TBXAS1: variants seen among roughly 807,000 people sequenced by gnomAD.
TBXAS1 encodes the protein thromboxane-A synthase.
A neutral mutation model predicts 60.7 loss-of-function variants in TBXAS1; 48 were observed. That is an observed-to-expected ratio of 0.79 (90% CI 0.63 to 1.01). TBXAS1 has a LOEUF of 1.01. TBXAS1 is among the 50% of genes least tolerant of loss of function. The pLI is 0.00. For missense variants in TBXAS1, 685 were observed against 686.3 expected, an observed-to-expected ratio of 1.00 and a Z score of 0.02; for synonymous variants, 287 against 269.7, an observed-to-expected ratio of 1.06 and a Z score of -0.63.
At chr7:139,868,065 T>C (rs2116778605) in intron 1 of TBXAS1, among the ~76,000 whole-genome samples, 1 of 152,356 alleles carries the variant, frequency 6.6e-6, no homozygotes, top group Admixed American at 6.5e-5. Flanking sequence ...TAAAGCTATA[T>C]ATACTTTCTG....
In TBXAS1 at chr7:140,001,277, G is replaced by A. The variant is rs545473677; in HGVS notation, c.1135-5814G>A. ...TCTTTTGGAAACATAGAAGCTTCAG[G>A]TGCTTCCTGGCTTGAAATAAGAGAA... On this transcript the variant is annotated intron_variant, in intron 9 of 12. Transcript: ENST00000448866. Among the ~76,000 whole-genome samples the A allele has an allele frequency of 7.9e-4, 121 of 152,280 alleles. 1 individual carries two copies. Among genetic ancestry groups the A allele is most frequent in the African/African-American group, 2.8e-3 (115 of 41,554 alleles).
At chr7:139,797,108 T>C (rs981700683) in intron 4 of TBXAS1, 1 of 152,218 alleles carries the variant, frequency 6.6e-6, no homozygotes, top group African/African-American at 2.4e-5. Context: ...CATTAAAATA[T>C]AATTAGCGAG....
In TBXAS1 at chr7:139,957,770, G is replaced by A. The variant is rs1237354961; in HGVS notation, c.819+6G>A. 6.8e-6 allele frequency: 11 copies of A among 1,614,032 alleles called. No homozygotes were observed. The highest frequency in any genetic ancestry group is 6.6e-5 in the South Asian group (6 of 91,076). ...ACCAGCAAGCTGCCGAAGAGGTAAC[G>A]TATTTTAATAGGACACAGCCTTGAA... On this transcript the variant is annotated splice_donor_region_variant and intron_variant, in intron 8 of 12. Coordinates refer to ENST00000448866, the MANE Select transcript of TBXAS1 (RefSeq NM_001061.7).
Position 140,013,406 on chromosome 7 carries a change from G to GT in TBXAS1, c.1227-2316dup, listed in dbSNP as rs1310217663. Among the ~76,000 whole-genome samples, 1 of 152,200 alleles carries GT rather than the reference G, an allele frequency of 6.6e-6. No individual in the cohort carries two copies. Among genetic ancestry groups the GT allele is most frequent in the Non-Finnish European group, 1.5e-5 (1 of 68,032 alleles). On this transcript the variant is annotated intron_variant, in intron 10 of 12. Coordinates refer to ENST00000448866, the MANE Select transcript of TBXAS1 (RefSeq NM_001061.7). The surrounding 1 kb of genome is among the most constrained non-coding windows in gnomAD (Gnocchi z 4.2). ...ATGCTCACTCCAAGAGTTGAGTTGTGTGGCTCCAGGTAGACTCATTTCCCA... is the reference window on the plus strand; with the variant it reads ...ATGCTCACTCCAAGAGTTGAGTTGTGTTGGCTCCAGGTAGACTCATTTCCCA...
At chr7:139,831,827 G>A (rs1165673896) in intron 1 of TBXAS1, among the ~76,000 whole-genome samples, 2 of 152,206 alleles carry the variant, frequency 1.3e-5, no homozygotes, top group Non-Finnish European at 2.9e-5. Context: ...AGCTACTTGG[G>A]AGGCTGAGGC....
Position 139,957,718 on chromosome 7 carries a change from T to C in TBXAS1, c.773T>C (p.Leu258Pro), listed in dbSNP as rs760550262. The C allele has an allele frequency of 6.2e-6, 10 of 1,614,036 alleles. No individual in the cohort carries two copies. The South Asian group carries it at 1.1e-4, about 18-fold the overall frequency. Residue 258 changes from leucine to proline, a missense_variant, in exon 8 of 13, where the codon CTC becomes CCC. Physicochemically the swap from Leu to Pro is moderately conservative, Grantham distance 98. Coordinates refer to ENST00000448866, the MANE Select transcript of TBXAS1 (RefSeq NM_001061.7). ...GAACTGAATGGCTTTTTTAACAAAC[T>C]CATTAGGAATGTGATTGCCTTGCGG... Reference protein sequence around the residue: ...RDELNGFFNKLIRNVIALRDQ... With the variant: ...RDELNGFFNKPIRNVIALRDQ...
At chr7:139,984,372 T>C (rs1812184583) in intron 9 of TBXAS1, among the ~76,000 whole-genome samples, 1 of 152,002 alleles carries the variant, frequency 6.6e-6, no homozygotes, top group Non-Finnish European at 1.5e-5. Flanking sequence ...CTTCCATGTG[T>C]CCCTTCCACA....
chr7:139,850,007 G>GA (rs1170989847), intron 1 of TBXAS1, among the ~76,000 whole-genome samples: 1 of 152,194 alleles, frequency 6.6e-6, no homozygotes, highest in Non-Finnish European at 1.5e-5. Flanking sequence ...GGTTATTAAG[G>GA]AAAAAATTTG....
At chr7:139,950,054 T>C (rs1401388799) in intron 5 of TBXAS1, among the ~76,000 whole-genome samples, 1 of 149,126 alleles carries the variant, frequency 6.7e-6, no homozygotes, top group Non-Finnish European at 1.5e-5. Flanking sequence ...TTTTTTTTTT[T>C]TTTTTTTTGA....
chr7:139,924,924 C>G (rs1212605946), intron 4 of TBXAS1, among the ~76,000 whole-genome samples: 1 of 152,124 alleles, frequency 6.6e-6, no homozygotes, highest in Non-Finnish European at 1.5e-5. Context: ...GTCCTTTTCT[C>G]AATATTTCTT....
chr7:139,964,172 A>C (rs1271218686), intron 9 of TBXAS1, among the ~76,000 whole-genome samples: 1 of 151,636 alleles, frequency 6.6e-6, no homozygotes, highest in Non-Finnish European at 1.5e-5. Context: ...TGCAACCCAC[A>C]CCTCCCAGGT....
At chr7:139,900,642 T>G (rs753384274) in intron 3 of TBXAS1, among the ~76,000 whole-genome samples, 41 of 152,220 alleles carry the variant, frequency 2.7e-4, no homozygotes, top group Non-Finnish European at 5.0e-4. Context: ...GAGGATGGAA[T>G]GAAGAGCTGC....
At chr7:139,911,587 G>C (rs2117051018) in intron 4 of TBXAS1, among the ~76,000 whole-genome samples, 1 of 152,306 alleles carries the variant, frequency 6.6e-6, no homozygotes, top group South Asian at 2.1e-4. Flanking sequence ...AACCAAGAGG[G>C]TTTTCTAAAG....
rs61604773 is a variant in TBXAS1 at position 140,004,550 on chromosome 7, C to A, written c.1135-2541C>A. Among the ~76,000 whole-genome samples the A allele has an allele frequency of 7.7e-3, 1,178 of 152,284 alleles. 17 individuals carry two copies. Among genetic ancestry groups the A allele is most frequent in the African/African-American group, 0.027 (1,138 of 41,540 alleles). ...AAACCAAACTCATAAAGATTGGAAGCAGGAAGACAAGTTGCCTCCAGGTTT... is the reference window on the plus strand; with the variant it reads ...AAACCAAACTCATAAAGATTGGAAGAAGGAAGACAAGTTGCCTCCAGGTTT... On this transcript the variant is annotated intron_variant, in intron 9 of 12. Transcript: ENST00000448866. This position sits in a 1 kb window ranked among gnomAD's most constrained non-coding sequence, Gnocchi z 5.1.
chr7:139,951,987 A>AAAGAAAGG (rs1809426372), intron 5 of TBXAS1, among the ~76,000 whole-genome samples: 1 of 149,370 alleles, frequency 6.7e-6, no homozygotes, highest in African/African-American at 2.4e-5. Flanking sequence ...AGAAAGAAAG[A>AAAGAAAGG]AAGAAAGAAA....
chr7:139,866,119 C>T lies in TBXAS1; in HGVS notation c.90-6116C>T, dbSNP rs573194197. Among the ~76,000 whole-genome samples, 146 of 152,146 alleles carry T rather than the reference C, an allele frequency of 9.6e-4. 1 individual carries two copies. In the Middle Eastern group the frequency reaches 0.014, roughly 14 times the overall value. Reference sequence around the variant, plus strand: ...GAGAGCATTTGGTGCAAAGGATATACCAACGGTAGGACTAGCTGGGACAAA... The same window carrying T: ...GAGAGCATTTGGTGCAAAGGATATATCAACGGTAGGACTAGCTGGGACAAA... On this transcript the variant is annotated intron_variant, in intron 1 of 12. Transcript: ENST00000448866.
At chr7:139,937,479 T>TC (rs1807882498) in intron 5 of TBXAS1, among the ~76,000 whole-genome samples, 1 of 152,076 alleles carries the variant, frequency 6.6e-6, no homozygotes, top group African/African-American at 2.4e-5. Context: ...AAGCTAGTGA[T>TC]CCCCCCATTT....
In TBXAS1 at chr7:140,017,719, C is replaced by G. The variant is rs748806067; in HGVS notation, c.1413C>G (p.Pro471=). Residue 471 remains proline (P), a synonymous_variant, in exon 12 of 13, where the codon CCC becomes CCG. Transcript: ENST00000448866. ...AGCACCGGCCCTTCACGTACCTGCC[C>G]TTCGGGGCCGGCCCACGGAGCTGCC... ...RQQHRPFTYL[P]FGAGPRSCLG... 6.2e-7 allele frequency: 1 copy of G among 1,613,970 alleles called. No individual in the cohort carries two copies. The highest frequency in any genetic ancestry group is 2.2e-5 in the East Asian group (1 of 44,852).
intron 1 of TBXAS1, among the ~76,000 whole-genome samples, chr7:139,840,753 A>C (rs1799379570): frequency 6.6e-6 from 1 of 152,196 alleles, no homozygotes; most frequent in Non-Finnish European, 1.5e-5. Flanking sequence ...AGCGAACAGA[A>C]GCAGGGCCCA....
Sources: allele counts gnomAD v4.1 joint callset (sites outside exome capture counted in the v4.1 genomes callset), GRCh38; gene constraint gnomAD v4.1.1; non-coding constraint Gnocchi (gnomAD v3.1); transcripts MANE v1.5; gene names NCBI Gene and HGNC (gene_info 2026-07-23, HGNC 2026-07-21).